Variants in MAD1L1 observed in about 807,000 individuals in gnomAD.
MAD1L1 encodes the protein mitotic spindle assembly checkpoint protein MAD1.
A neutral mutation model predicts 96.9 loss-of-function variants in MAD1L1; 95 were observed. The observed-to-expected ratio is 0.98, with a 90% CI of 0.83 to 1.16. The LOEUF (loss-of-function observed/expected upper bound fraction) is 1.16, where lower values mean the gene tolerates loss of function less well. Among genes scored for constraint, MAD1L1 ranks in the 50% most tolerant of loss-of-function variants. The pLI is 0.00. For missense variants in MAD1L1, 1,007 were observed against 954.4 expected (o/e 1.06, Z -0.73); for synonymous variants, 473 against 396.6 (o/e 1.19, Z -2.29).
chr7:2,038,452 T>C (rs2128509337), intron 12 of MAD1L1, among the ~76,000 whole-genome samples: 1 of 150,850 alleles, frequency 6.6e-6, no homozygotes, highest in Admixed American at 6.6e-5. Flanking sequence ...GCCTTCAAAG[T>C]TTCAGAGGAC....
chr7:1,865,080 G>A (rs2128650446), intron 18 of MAD1L1, among the ~76,000 whole-genome samples: 1 of 152,200 alleles, frequency 6.6e-6, no homozygotes, highest in East Asian at 1.9e-4. Flanking sequence ...ACACCCTTCC[G>A]GGAGCATCCC....
At chr7:1,974,254 C>G (rs1562574576) in intron 15 of MAD1L1, among the ~76,000 whole-genome samples, 1 of 152,190 alleles carries the variant, frequency 6.6e-6, no homozygotes. Context: ...CAGTGGAAGA[C>G]CCAGCCGGAT....
intron 14 of MAD1L1, among the ~76,000 whole-genome samples, chr7:2,000,060 G>A (rs1781721913): frequency 6.6e-6 from 1 of 152,092 alleles, no homozygotes; most frequent in Admixed American, 6.6e-5. Context: ...CAGAGCAGAT[G>A]GGCACCTCTG....
chr7:1,963,428 G>C (rs1416557737), intron 15 of MAD1L1, among the ~76,000 whole-genome samples: 2 of 152,208 alleles, frequency 1.3e-5, no homozygotes, highest in African/African-American at 4.8e-5. Context: ...GTGGGGAGAG[G>C]AGGCAGGGAG....
intron 16 of MAD1L1, among the ~76,000 whole-genome samples, chr7:1,955,883 G>C (rs1779704555): frequency 6.6e-6 from 1 of 151,628 alleles, no homozygotes; most frequent in Non-Finnish European, 1.5e-5. Flanking sequence ...TAAGTAGCTG[G>C]GCAGGCTGAT....
At chr7:1,852,991 C>T (rs747579830) in intron 18 of MAD1L1, among the ~76,000 whole-genome samples, 6 of 152,206 alleles carry the variant, frequency 3.9e-5, no homozygotes, top group Admixed American at 1.3e-4. Context: ...CAGCTCACAG[C>T]GCAGGGCGGC....
intron 13 of MAD1L1, among the ~76,000 whole-genome samples, chr7:2,008,070 C>T (rs962934305): frequency 1.3e-5 from 2 of 152,202 alleles, no homozygotes; most frequent in Admixed American, 6.5e-5. Context: ...AGGAAACTGA[C>T]GGTCAACATG....
At chr7:1,901,724 A>G (rs1304481880) in intron 17 of MAD1L1, among the ~76,000 whole-genome samples, 1 of 152,144 alleles carries the variant, frequency 6.6e-6, no homozygotes, top group Non-Finnish European at 1.5e-5. Flanking sequence ...GGGCTACCCC[A>G]GGCTTAGAGC....
At chr7:2,209,095 T>A (rs895194835) in intron 10 of MAD1L1, among the ~76,000 whole-genome samples, 7 of 152,146 alleles carry the variant, frequency 4.6e-5, no homozygotes, top group Admixed American at 3.3e-4. Context: ...GAAACTAACA[T>A]GCCCCCAGCC....
At chr7:2,113,260 T>C (rs1787478369) in intron 11 of MAD1L1, among the ~76,000 whole-genome samples, 1 of 152,156 alleles carries the variant, frequency 6.6e-6, no homozygotes, top group Non-Finnish European at 1.5e-5. Context: ...CACCAATAGA[T>C]GCTTGAACTA....
chr7:1,936,055 T>A (rs913487689), intron 17 of MAD1L1, among the ~76,000 whole-genome samples: 2 of 152,224 alleles, frequency 1.3e-5, no homozygotes, highest in Non-Finnish European at 2.9e-5. Flanking sequence ...GGGTGCAGAC[T>A]GCACAGTGAC....
intron 18 of MAD1L1, among the ~76,000 whole-genome samples, chr7:1,833,743 C>G (rs948639200): frequency 3.9e-5 from 6 of 152,344 alleles, no homozygotes; most frequent in Admixed American, 2.0e-4. Flanking sequence ...GAGTTCGAGA[C>G]CAGCCTGGCC....
chr7:1,856,283 G>A (rs1784246774), intron 18 of MAD1L1, among the ~76,000 whole-genome samples: 1 of 152,198 alleles, frequency 6.6e-6, no homozygotes, highest in African/African-American at 2.4e-5. Context: ...GAGAAATGAA[G>A]GGAAGGAACA....
chr7:1,852,367 C>T (rs2128641500), intron 18 of MAD1L1, among the ~76,000 whole-genome samples: 1 of 152,296 alleles, frequency 6.6e-6, no homozygotes, highest in Admixed American at 6.5e-5. Context: ...GTGTCTCTGC[C>T]ACCCTTAGAC....
intron 10 of MAD1L1, among the ~76,000 whole-genome samples, chr7:2,185,002 C>T (rs1625543): frequency 0.13 from 19,175 of 152,072 alleles, 2,525 homozygotes; most frequent in African/African-American, 0.33. Flanking sequence ...AACTCCATCT[C>T]AAAAAATAAA....
intron 12 of MAD1L1, among the ~76,000 whole-genome samples, chr7:2,020,099 G>A (rs73045493): frequency 0.034 from 5,194 of 152,310 alleles, 183 homozygotes; most frequent in Admixed American, 0.095. Context: ...CTGCCCTGTC[G>A]CTCAGACCAC....
chr7:1,906,049 C>CAAAA (rs10570929), intron 17 of MAD1L1, among the ~76,000 whole-genome samples: 1 of 91,976 alleles, frequency 1.1e-5, no homozygotes, highest in East Asian at 3.1e-4. Flanking sequence ...GACTCCATCT[C>CAAAA]AAAAAAAAAA....
intron 11 of MAD1L1, among the ~76,000 whole-genome samples, chr7:2,123,195 C>G (rs1274152618): frequency 6.6e-6 from 1 of 150,842 alleles, no homozygotes; most frequent in Non-Finnish European, 1.5e-5. Context: ...CTCAGCTACT[C>G]GGGAGGCTGA....
At chr7:1,940,974 C>CCCTCCTCTTCCCCTCCCAGGCCTCAG (rs1778948758) in intron 16 of MAD1L1, among the ~76,000 whole-genome samples, 3 of 114,148 alleles carry the variant, frequency 2.6e-5, no homozygotes, top group African/African-American at 1.1e-4. Flanking sequence ...GCAGGCCTCA[C>CCCTCCTCTTCCCCTCCCAGGCCTCAG]CCTCCTCTTC....
Sources: allele counts gnomAD v4.1 joint callset (sites outside exome capture counted in the v4.1 genomes callset), GRCh38; gene constraint gnomAD v4.1.1; transcripts MANE v1.5; gene names NCBI Gene and HGNC (gene_info 2026-07-23, HGNC 2026-07-21).